The following FGF18 variants were observed in gnomAD, a reference collection of about 807,000 sequenced individuals.
FGF18 encodes the protein fibroblast growth factor 18.
A neutral mutation model predicts 23.0 loss-of-function variants in FGF18; 5 were observed. The observed-to-expected ratio is 0.22, with a 90% confidence interval of 0.11 to 0.46. The LOEUF is 0.46. Among genes scored for constraint, FGF18 ranks in the 20% least tolerant of loss-of-function variants. The probability of loss-of-function intolerance (pLI) is 0.99; values close to 1 mark genes in which losing one functional copy is unlikely to be tolerated. For missense variants in FGF18, 180 were observed against 291.6 expected (o/e 0.62, Z 2.79); for synonymous variants, 117 against 118.9 (o/e 0.98, Z 0.10).
In FGF18 at chr5:171,436,356, G is replaced by A. The variant is rs1581273951; in HGVS notation, c.250+83G>A. 1 of 1,148,030 alleles carries A rather than the reference G, an allele frequency of 8.7e-7. No homozygotes were observed. Among genetic ancestry groups the A allele is most frequent in the Non-Finnish European group, 1.2e-6 (1 of 856,846 alleles). The allele number at this position is 1,148,030 out of a possible 1,614,324, so 71.1% of individuals were successfully genotyped here. A position where few individuals can be genotyped will look rare whatever the true frequency, so the allele number is the denominator to read the frequency against. On this transcript the variant is annotated intron_variant, in intron 3 of 4. Transcript: ENST00000274625. This position sits in a 1 kb window ranked among gnomAD's most constrained non-coding sequence, Gnocchi z 4.4. ...TCAGAGACCTCAAGTTCAAATGCCA[G>A]CCTTGCTGCTCCTGGCTGTGTGATC...
chr5:171,444,642 C>T (rs981500855), intron 3 of FGF18, among the ~76,000 whole-genome samples: 9 of 152,082 alleles, frequency 5.9e-5, no homozygotes, highest in Admixed American at 2.0e-4. Flanking sequence ...CAAGTGGCAC[C>T]GAGAGTCGCA....
At chr5:171,449,401 G>A (rs1772463712) in intron 4 of FGF18, 148 bp downstream of exon 4, 1 of 250,444 alleles carries the variant, frequency 4.0e-6, no homozygotes, top group East Asian at 7.0e-5. Flanking sequence ...GTGTGTGTGT[G>A]AGAGAGAGAG....
chr5:171,456,232 C>G lies in FGF18; in HGVS notation c.358-307C>G, dbSNP rs1033291195. Among the ~76,000 whole-genome samples the G allele has an allele frequency of 2.0e-5, 3 of 152,214 alleles. No homozygotes were observed. Among genetic ancestry groups the G allele is most frequent in the African/African-American group, 7.2e-5 (3 of 41,452 alleles). On this transcript the variant is annotated intron_variant, in intron 4 of 4. Coordinates refer to ENST00000274625, the MANE Select transcript of FGF18 (RefSeq NM_003862.3). This position sits in a 1 kb window ranked among gnomAD's most constrained non-coding sequence, Gnocchi z 6.1. ...GATCAGGGTCCTCATCCTCCTCCAT[C>G]CCTCAGGTGATGTCTGGTCACCCTG...
intron 4 of FGF18, among the ~76,000 whole-genome samples, chr5:171,454,487 C>T (rs1251904805): frequency 6.6e-6 from 1 of 152,212 alleles, no homozygotes; most frequent in South Asian, 2.1e-4. Context: ...TCACGCCACC[C>T]ATACTGTCCT....
Position 171,419,843 on chromosome 5 carries a change from C to T in FGF18, c.-357C>T, listed in dbSNP as rs1470630974. Reference sequence around the variant, plus strand: ...CTTCCAGACCCGCCGCGCATGCTGTCCCCGGACTGAGCCGGGCAGCCAGCC... The same window carrying T: ...CTTCCAGACCCGCCGCGCATGCTGTTCCCGGACTGAGCCGGGCAGCCAGCC... On this transcript the variant is annotated 5_prime_UTR_variant, in exon 1 of 5. Transcript: ENST00000274625. 1 of 153,010 alleles carries T rather than the reference C, an allele frequency of 6.5e-6. No individual in the cohort carries two copies. The highest frequency in any genetic ancestry group is 6.6e-5 in the Admixed American group (1 of 15,250). 9.5% of individuals were successfully genotyped at this position (153,010 alleles called of 1,614,324 possible). A position where few individuals can be genotyped will look rare whatever the true frequency, so the allele number is the denominator to read the frequency against.
Position 171,456,863 on chromosome 5 carries a change from G to T in FGF18, c.*58G>T. 6.5e-7 allele frequency: 1 copy of T among 1,527,564 alleles called. No homozygotes were observed. Among genetic ancestry groups the T allele is most frequent in the South Asian group, 1.2e-5 (1 of 80,332 alleles). 94.6% of individuals were successfully genotyped at this position (1,527,564 alleles called of 1,614,324 possible). On this transcript the variant is annotated 3_prime_UTR_variant, in exon 5 of 5. Coordinates refer to ENST00000274625, the MANE Select transcript of FGF18 (RefSeq NM_003862.3). This position sits in a 1 kb window ranked among gnomAD's most constrained non-coding sequence, Gnocchi z 6.1. The stretch of plus-strand genomic sequence containing the variant: ...GCCACACTCACACTCCCAGAAAACT[G>T]CATCAGAGGAATATTTTTACATGAA...
intron 3 of FGF18, among the ~76,000 whole-genome samples, chr5:171,446,112 A>C (rs1190253140): frequency 6.6e-6 from 1 of 152,172 alleles, no homozygotes; most frequent in African/African-American, 2.4e-5. Flanking sequence ...TCATGATGTC[A>C]TGTGCTGAGT....
intron 3 of FGF18, among the ~76,000 whole-genome samples, chr5:171,438,107 T>C (rs924067904): frequency 1.3e-5 from 2 of 150,494 alleles, no homozygotes; most frequent in East Asian, 1.9e-4. Flanking sequence ...TTCTTTTTTT[T>C]TTTTTTTTTG....
chr5:171,451,194 C>A lies in FGF18; in HGVS notation c.357+1941C>A, dbSNP rs2113364366. On this transcript the variant is annotated intron_variant, in intron 4 of 4. Coordinates refer to ENST00000274625, the MANE Select transcript of FGF18 (RefSeq NM_003862.3). The surrounding 1 kb of genome is among the most constrained non-coding windows in gnomAD (Gnocchi z 4.5). ...GTGACGGTTCAGCTGGCGCGGCGCA[C>A]CCTGGCGCAGCGGAGGGAGGCCCGG... Among the ~76,000 whole-genome samples the A allele has an allele frequency of 6.6e-6, 1 of 152,098 alleles. No individual in the cohort carries two copies. Among genetic ancestry groups the A allele is most frequent in the Admixed American group, 6.5e-5 (1 of 15,278 alleles).
At chr5:171,443,649 C>T (rs912741059) in intron 3 of FGF18, among the ~76,000 whole-genome samples, 2 of 151,920 alleles carry the variant, frequency 1.3e-5, no homozygotes, top group African/African-American at 4.8e-5. Flanking sequence ...CGCGCCTGGC[C>T]TGTTATCATC....
At position 171,451,436 on chromosome 5, in the gene FGF18, C is replaced by T. The variant is rs1034748910; in HGVS notation, c.357+2183C>T. ...GGCTGCGGTCCTCTCCACAGCCTCC[C>T]TGCCCAGTCGTACCTTAGGCCCTGG... On this transcript the variant is annotated intron_variant, in intron 4 of 4. Coordinates refer to ENST00000274625, the MANE Select transcript of FGF18 (RefSeq NM_003862.3). This position sits in a 1 kb window ranked among gnomAD's most constrained non-coding sequence, Gnocchi z 4.5. Among the ~76,000 whole-genome samples, 3 of 152,226 alleles carry T rather than the reference C, an allele frequency of 2.0e-5. No homozygotes were observed. The highest frequency in any genetic ancestry group is 2.0e-4 in the Admixed American group (3 of 15,288).
intron 2 of FGF18, among the ~76,000 whole-genome samples, chr5:171,435,729 C>T (rs1213128455): frequency 6.6e-6 from 1 of 152,174 alleles, no homozygotes; most frequent in Non-Finnish European, 1.5e-5. Flanking sequence ...ACTTAGTCCT[C>T]ACAGCTACCC....
chr5:171,425,028 G>A (rs1056000361), intron 2 of FGF18, among the ~76,000 whole-genome samples: 4 of 152,226 alleles, frequency 2.6e-5, no homozygotes, highest in Admixed American at 1.3e-4. Flanking sequence ...CCTGCCCTGG[G>A]CAGCTCCAAG....
intron 4 of FGF18, among the ~76,000 whole-genome samples, chr5:171,454,984 C>T (rs1302773652): frequency 6.6e-6 from 1 of 152,244 alleles, no homozygotes. Flanking sequence ...AGCTGCCGTT[C>T]AGGAATAATC....
chr5:171,430,956 C>T (rs1000381030), intron 2 of FGF18, among the ~76,000 whole-genome samples: 1 of 152,138 alleles, frequency 6.6e-6, no homozygotes, highest in African/African-American at 2.4e-5. Context: ...CAGGTGACAG[C>T]TAAGGTCAGC....
At chr5:171,433,006 C>T (rs1435658851) in intron 2 of FGF18, among the ~76,000 whole-genome samples, 1 of 152,160 alleles carries the variant, frequency 6.6e-6, no homozygotes, top group East Asian at 1.9e-4. Context: ...GGAAAGGCTT[C>T]GGGGTAGGAC....
chr5:171,431,256 C>T (rs1204669840), intron 2 of FGF18, among the ~76,000 whole-genome samples: 6 of 152,096 alleles, frequency 3.9e-5, no homozygotes, highest in Non-Finnish European at 8.8e-5. Context: ...AGGTTCTTAC[C>T]AAGGTGCCTA....
chr5:171,452,045 AG>A (rs1772522530), intron 4 of FGF18, among the ~76,000 whole-genome samples: 1 of 152,188 alleles, frequency 6.6e-6, no homozygotes, highest in Admixed American at 6.5e-5. Flanking sequence ...ACCTGGCCAA[AG>A]GGCTCCGGGG....
chr5:171,440,122 C>A lies in FGF18; in HGVS notation c.250+3849C>A, dbSNP rs1772319773. ...AGCCTTTCTGATCCTGTTTCCTCTT[C>A]TACAAACAGGGAAATTGAAATGAGA... On this transcript the variant is annotated intron_variant, in intron 3 of 4. Coordinates refer to ENST00000274625, the MANE Select transcript of FGF18 (RefSeq NM_003862.3). The surrounding 1 kb of genome is among the most constrained non-coding windows in gnomAD (Gnocchi z 4.0). Among the ~76,000 whole-genome samples the A allele has an allele frequency of 6.6e-6, 1 of 152,172 alleles. No homozygotes were observed.
Sources: allele counts gnomAD v4.1 joint callset (sites outside exome capture counted in the v4.1 genomes callset), GRCh38; gene constraint gnomAD v4.1.1; non-coding constraint Gnocchi (gnomAD v3.1); transcripts MANE v1.5; gene names NCBI Gene and HGNC (gene_info 2026-07-23, HGNC 2026-07-21).